Variants in ZFPM1 observed in about 807,000 individuals in gnomAD.
ZFPM1 encodes zinc finger protein, FOG family member 1, also known as zinc finger protein ZFPM1.
A neutral mutation model predicts 46.3 loss-of-function variants in ZFPM1; 28 were observed. The observed-to-expected ratio is 0.60, with a 90% confidence interval of 0.45 to 0.83. ZFPM1 has a LOEUF of 0.83. ZFPM1 is among the 40% of genes least tolerant of loss of function. ZFPM1 has a pLI of 0.00. For missense variants in ZFPM1, 1,878 were observed against 1,432.4 expected, an observed-to-expected ratio of 1.31 and a Z score of -5.02; for synonymous variants, 957 against 675.9, an observed-to-expected ratio of 1.42 and a Z score of -6.45.
chr16:88,489,267 C>A, intron 3 of ZFPM1, 114 bp downstream of exon 3: 1 of 1,422,248 alleles, frequency 7.0e-7, no homozygotes, highest in South Asian at 1.5e-5. Context: ...TGGAGACCCA[C>A]CAGGCCCAGG....
chr16:88,455,750 G>A (rs1416352666), intron 1 of ZFPM1, among the ~76,000 whole-genome samples: 2 of 152,192 alleles, frequency 1.3e-5, no homozygotes, highest in African/African-American at 4.8e-5. Context: ...GCTGAGATAG[G>A]CGCTTCCATT....
intron 6 of ZFPM1, among the ~76,000 whole-genome samples, chr16:88,528,901 C>T (rs1049951898): frequency 3.3e-5 from 5 of 152,200 alleles, no homozygotes; most frequent in East Asian, 3.9e-4. Flanking sequence ...GGGACAGAGC[C>T]GCCCCTGGGG....
chr16:88,467,665 C>A (rs1021195121), intron 1 of ZFPM1, among the ~76,000 whole-genome samples: 3 of 152,196 alleles, frequency 2.0e-5, no homozygotes, highest in African/African-American at 4.8e-5. Context: ...CTCCTCCAGT[C>A]ACGGGCTCTG....
intron 4 of ZFPM1, among the ~76,000 whole-genome samples, chr16:88,515,959 C>CA (rs1490635429): frequency 6.6e-6 from 1 of 152,026 alleles, no homozygotes; most frequent in African/African-American, 2.4e-5. Context: ...TCTGAACTCT[C>CA]AAAGTGTCAA....
At chr16:88,517,230 GTGGGTGGGTGGGTGGATGGATGGA>G in intron 4 of ZFPM1, among the ~76,000 whole-genome samples, 1 of 99,184 alleles carries the variant, frequency 1.0e-5, no homozygotes, top group South Asian at 4.0e-4. Context: ...GGATGGATGG[GTGGGTGGGTGGGTGGATGGATGGA>G]TGGATGGATG....
chr16:88,456,253 C>CT (rs1907554916), intron 1 of ZFPM1, among the ~76,000 whole-genome samples: 1 of 152,244 alleles, frequency 6.6e-6, no homozygotes, highest in East Asian at 1.9e-4. Context: ...ACACCCCGCC[C>CT]CGAGTCCTCG....
rs747780710 is a variant in ZFPM1, at chr16:88,534,425, C to A, written c.2467C>A (p.Arg823Ser). The A allele has an allele frequency of 6.7e-7, 1 of 1,494,120 alleles. No individual in the cohort carries two copies. Among genetic ancestry groups the A allele is most frequent in the Non-Finnish European group, 8.9e-7 (1 of 1,129,120 alleles). The allele number at this position is 1,494,120 out of a possible 1,614,324, so 92.6% of individuals were successfully genotyped here. A position where few individuals can be genotyped will look rare whatever the true frequency, so the allele number is the denominator to read the frequency against. The change falls in exon 10 of 10, where the codon CGC becomes AGC. Residue 823 changes from arginine to serine, a missense_variant. Coordinates refer to ENST00000319555, the MANE Select transcript of ZFPM1 (RefSeq NM_153813.3). The stretch of plus-strand genomic sequence containing the variant: ...CGACTACCACGAGTGCACGGCCTGC[C>A]GCGTGAGCTTCCACAGCCTCGAGGC... ...LADYHECTAC[R>S]VSFHSLEAYL...
At chr16:88,465,235 G>C in intron 1 of ZFPM1, among the ~76,000 whole-genome samples, 1 of 152,232 alleles carries the variant, frequency 6.6e-6, no homozygotes, top group East Asian at 1.9e-4. Context: ...CAGGCAGGGC[G>C]CAGCGTCTGC....
intron 1 of ZFPM1, among the ~76,000 whole-genome samples, chr16:88,478,932 C>T (rs1285580499): frequency 6.6e-6 from 1 of 152,196 alleles, no homozygotes; most frequent in East Asian, 1.9e-4. Flanking sequence ...GTGGTGGCTC[C>T]GGGCCACACC....
Position 88,486,154 on chromosome 16 carries a change from C to G in ZFPM1, c.145+111C>G, listed in dbSNP as rs151233472. The G allele has an allele frequency of 2.9e-5, 32 of 1,113,554 alleles. No homozygotes were observed. The Middle Eastern group carries it at 1.2e-3, about 42-fold the overall frequency. 69.0% of individuals were successfully genotyped at this position (1,113,554 alleles called of 1,614,324 possible). ...CTGAGAGGTGTGGGCCAACTATATGCAGGAGTCCAGGACAGGCGTCTTCCA... is the reference window on the plus strand; with the variant it reads ...CTGAGAGGTGTGGGCCAACTATATGGAGGAGTCCAGGACAGGCGTCTTCCA... On this transcript the variant is annotated intron_variant, in intron 2 of 9. Coordinates refer to ENST00000319555, the MANE Select transcript of ZFPM1 (RefSeq NM_153813.3).
At chr16:88,461,209 A>AGGGAT (rs765367028) in intron 1 of ZFPM1, among the ~76,000 whole-genome samples, 5 of 35,850 alleles carry the variant, frequency 1.4e-4, no homozygotes, top group African/African-American at 4.3e-4. Context: ...GTGAGGACCC[A>AGGGAT]GGGGCGGGAG....
rs1913200256 is a variant in ZFPM1, at chr16:88,535,314, C to CGTCA, written c.*337_*340dup. ...ACTGGGTGCTAAGAGCTAGACCGAG[C>CGTCA]GTCAGGTCGGAGGCCACAGCACACA... On this transcript the variant is annotated 3_prime_UTR_variant, in exon 10 of 10. Transcript: ENST00000319555. 5.1e-6 allele frequency: 1 copy of CGTCA among 196,076 alleles called. No homozygotes were observed. Among genetic ancestry groups the CGTCA allele is most frequent in the South Asian group, 1.7e-4 (1 of 5,724 alleles). The allele number at this position is 196,076 out of a possible 1,614,324, so 12.1% of individuals were successfully genotyped here.
At chr16:88,472,135 G>A (rs949255308) in intron 1 of ZFPM1, among the ~76,000 whole-genome samples, 5 of 152,160 alleles carry the variant, frequency 3.3e-5, no homozygotes, top group Non-Finnish European at 5.9e-5. Flanking sequence ...TGGAGGGGGC[G>A]CAGGGCTGAA....
intron 1 of ZFPM1, 118 bp downstream of exon 1, chr16:88,453,796 C>A (rs1907403650): frequency 1.8e-6 from 1 of 546,064 alleles, no homozygotes; most frequent in African/African-American, 2.1e-5. Context: ...CTTCACCCCG[C>A]GCCGCGCCCC....
intron 3 of ZFPM1, among the ~76,000 whole-genome samples, chr16:88,493,600 G>T (rs1177488758): frequency 3.0e-5 from 4 of 131,718 alleles, no homozygotes. Context: ...TCCCGGGGTA[G>T]GGAGAGCTGT....
At chr16:88,501,049 T>G (rs977639869) in intron 3 of ZFPM1, among the ~76,000 whole-genome samples, 1 of 152,162 alleles carries the variant, frequency 6.6e-6, no homozygotes, top group Non-Finnish European at 1.5e-5. Flanking sequence ...GAGACACCAC[T>G]GCTGGTGATG....
chr16:88,453,544 A>C lies in ZFPM1; in HGVS notation c.-95A>C. The C allele has an allele frequency of 1.8e-6, 1 of 570,074 alleles. No homozygotes were observed. The highest frequency in any genetic ancestry group is 2.2e-6 in the Non-Finnish European group (1 of 456,072). The allele number at this position is 570,074 out of a possible 1,614,324, so 35.3% of individuals were successfully genotyped here. A position where few individuals can be genotyped will look rare whatever the true frequency, so the allele number is the denominator to read the frequency against. ...GCCGCGGAGACCGGGGGCCGGGGGC[A>C]TGAGCGGCCCCGCGGCCCCGCCGCG... On this transcript the variant is annotated 5_prime_UTR_variant, in exon 1 of 10. The change abolishes an upstream ATG in the 5' untranslated region. Transcript: ENST00000319555.
Position 88,489,202 on chromosome 16 carries a change from G to A in ZFPM1, c.268+49G>A, listed in dbSNP as rs961498839. On this transcript the variant is annotated intron_variant, in intron 3 of 9. Transcript: ENST00000319555. ...AGCAGCATCGCCTCCCGGGCAGCCT[G>A]GCCCGGCCCCTGGGAGCAGGGCGAC... is the stretch of plus-strand genomic sequence containing the variant. The A allele has an allele frequency of 3.2e-6, 5 of 1,541,108 alleles. No individual in the cohort carries two copies. The South Asian group carries it at 3.6e-5, about 11-fold the overall frequency.
At chr16:88,465,832 T>G (rs1182801529) in intron 1 of ZFPM1, among the ~76,000 whole-genome samples, 4 of 152,180 alleles carry the variant, frequency 2.6e-5, no homozygotes, top group Non-Finnish European at 5.9e-5. Context: ...CCGGCGCTGA[T>G]GGAGCGATTA....
Sources: gnomAD v4.1 joint callset for allele counts (sites outside exome capture counted in the v4.1 genomes callset) on GRCh38, gnomAD v4.1.1 for gene constraint, MANE v1.5 for transcripts, NCBI Gene and HGNC (gene_info 2026-07-23, HGNC 2026-07-21) for gene names.